FYB1: variants seen among roughly 807,000 people sequenced by gnomAD.
The protein encoded by FYB1 is FYN-binding protein 1.
A neutral mutation model predicts 94.1 loss-of-function variants in FYB1; 41 were observed. The ratio of observed to expected loss-of-function variants is 0.44; its 90% CI spans 0.34 to 0.57. The LOEUF is 0.57. Among genes scored for constraint, FYB1 ranks in the 20% least tolerant of loss-of-function variants. FYB1 has a pLI of 0.02. For synonymous variants in FYB1, 367 were observed against 353.2 expected (o/e 1.04, Z -0.44); for missense variants, 1,050 against 976.8 (o/e 1.07, Z -1.00).
chr5:39,130,523 G>T, intron 10 of FYB1, 67 bp downstream of exon 10: 2 of 1,243,300 alleles, frequency 1.6e-6, no homozygotes, highest in Non-Finnish European at 2.3e-6. Context: ...TAACACATGT[G>T]CTCCATAAAT....
chr5:39,229,510 G>A (rs779930735), intron 1 of FYB1, among the ~76,000 whole-genome samples: 1 of 152,160 alleles, frequency 6.6e-6, no homozygotes, highest in Non-Finnish European at 1.5e-5. Context: ...AGGCGGGTGA[G>A]TTGGGGGTAC....
chr5:39,160,625 T>G (rs1343826012), intron 2 of FYB1, among the ~76,000 whole-genome samples: 4 of 152,204 alleles, frequency 2.6e-5, no homozygotes, highest in African/African-American at 9.6e-5. Context: ...CAGTATTAGC[T>G]GTAAGGCACT....
chr5:39,115,016 T>G (rs1215133202), intron 16 of FYB1, among the ~76,000 whole-genome samples: 1 of 152,106 alleles, frequency 6.6e-6, no homozygotes, highest in African/African-American at 2.4e-5. Flanking sequence ...CTTCTAATTT[T>G]AGATGACAAC....
At chr5:39,241,375 G>A (rs1307617467) in intron 1 of FYB1, among the ~76,000 whole-genome samples, 1 of 152,140 alleles carries the variant, frequency 6.6e-6, no homozygotes, top group Non-Finnish European at 1.5e-5. Context: ...CAGGACCTAT[G>A]AGTCTGGTCC....
rs978525001 is a variant in FYB1 at position 39,202,709 on chromosome 5, C to A, written c.252G>T (p.Lys84Asn). ...PDKEPKPPFL[K>N]PTGAGQRFGT... ...CGAATCTTTGGCCTGCTCCAGTGGGCTTTAGAAACGGGGGCTTGGGTTCCT... is the reference window on the plus strand; with the variant it reads ...CGAATCTTTGGCCTGCTCCAGTGGGATTTAGAAACGGGGGCTTGGGTTCCT... The change falls in exon 2 of 19, where the codon AAG (lysine) becomes AAT (asparagine). Residue 84 changes from lysine (K) to asparagine (N), a missense_variant. Physicochemically the swap from Lys to Asn is moderately conservative, Grantham distance 94. Transcript: ENST00000512982. The A allele has an allele frequency of 1.2e-6, 2 of 1,613,418 alleles. No homozygotes were observed. The highest frequency in any genetic ancestry group is 2.7e-5 in the African/African-American group (2 of 74,740).
At chr5:39,177,080 C>G (rs1184891287) in intron 2 of FYB1, among the ~76,000 whole-genome samples, 2 of 152,188 alleles carry the variant, frequency 1.3e-5, no homozygotes, top group Non-Finnish European at 2.9e-5. Flanking sequence ...TTTGTCCTGG[C>G]AACAGTAGAA....
intron 1 of FYB1, among the ~76,000 whole-genome samples, chr5:39,268,754 G>A (rs995985855): frequency 1.3e-5 from 2 of 151,890 alleles, no homozygotes; most frequent in Non-Finnish European, 2.9e-5. Flanking sequence ...TAGTAGAGAC[G>A]GGGTTTCATC....
intron 2 of FYB1, among the ~76,000 whole-genome samples, chr5:39,200,052 C>T (rs12518981): frequency 0.47 from 71,861 of 151,926 alleles, 18,990 homozygotes; most frequent in South Asian, 0.74. Context: ...CATCTCAAGG[C>T]ATCAGATGTT....
At chr5:39,180,676 G>A (rs1458418083) in intron 2 of FYB1, among the ~76,000 whole-genome samples, 1 of 152,178 alleles carries the variant, frequency 6.6e-6, no homozygotes, top group African/African-American at 2.4e-5. Context: ...CCACGAAGTG[G>A]TAAAATGTGG....
chr5:39,164,328 C>T (rs931413358), intron 2 of FYB1, among the ~76,000 whole-genome samples: 13 of 152,140 alleles, frequency 8.5e-5, no homozygotes, highest in African/African-American at 3.1e-4. Flanking sequence ...CTATAAAATC[C>T]TCTACTTTTT....
At chr5:39,227,199 A>T (rs1750512109) in intron 1 of FYB1, among the ~76,000 whole-genome samples, 1 of 152,242 alleles carries the variant, frequency 6.6e-6, no homozygotes, top group African/African-American at 2.4e-5. Context: ...CCAGATTAAA[A>T]TATACCAAAA....
intron 1 of FYB1, among the ~76,000 whole-genome samples, chr5:39,230,570 A>G (rs546000137): frequency 9.1e-4 from 137 of 151,038 alleles, no homozygotes; most frequent in Non-Finnish European, 1.4e-3. Context: ...ATATTTCTGT[A>G]TATGTGTGTG....
At chr5:39,150,359 G>C (rs1229134523) in intron 3 of FYB1, among the ~76,000 whole-genome samples, 1 of 152,148 alleles carries the variant, frequency 6.6e-6, no homozygotes, top group Non-Finnish European at 1.5e-5. Flanking sequence ...CTATCTCCCT[G>C]TACCTGCCTT....
At chr5:39,154,745 C>A in intron 2 of FYB1, among the ~76,000 whole-genome samples, 1 of 151,974 alleles carries the variant, frequency 6.6e-6, no homozygotes, top group South Asian at 2.1e-4. Flanking sequence ...CCATGCCCGC[C>A]GCTGTGCCCA....
intron 1 of FYB1, among the ~76,000 whole-genome samples, chr5:39,228,960 T>C (rs1194990316): frequency 2.0e-5 from 3 of 152,166 alleles, no homozygotes; most frequent in Non-Finnish European, 4.4e-5. Flanking sequence ...TTGTCCACTA[T>C]AATTTTTTTG....
intron 3 of FYB1, among the ~76,000 whole-genome samples, chr5:39,142,201 C>G (rs1411637540): frequency 1.3e-5 from 2 of 152,130 alleles, no homozygotes; most frequent in Non-Finnish European, 2.9e-5. Flanking sequence ...TCCCATCACT[C>G]TTTTTTGTGT....
At chr5:39,148,381 GTTTT>G (rs538508812) in intron 3 of FYB1, among the ~76,000 whole-genome samples, 5 of 38,174 alleles carry the variant, frequency 1.3e-4, no homozygotes, top group African/African-American at 3.0e-4. Context: ...TTATCAGCAG[GTTTT>G]TTTTTTTTTT....
At chr5:39,199,908 T>C (rs1473378521) in intron 2 of FYB1, among the ~76,000 whole-genome samples, 1 of 152,202 alleles carries the variant, frequency 6.6e-6, no homozygotes, top group Non-Finnish European at 1.5e-5. Flanking sequence ...GGGGTATTAT[T>C]CAGAGTTTAA....
chr5:39,207,209 C>T (rs1055757669), intron 1 of FYB1, among the ~76,000 whole-genome samples: 6 of 152,080 alleles, frequency 3.9e-5, no homozygotes, highest in Non-Finnish European at 7.4e-5. Flanking sequence ...TTTCCAAAGC[C>T]ATTTGAAGCA....
Sources: gnomAD v4.1 joint callset for allele counts (sites outside exome capture counted in the v4.1 genomes callset) on GRCh38, gnomAD v4.1.1 for gene constraint, MANE v1.5 for transcripts, NCBI Gene and HGNC (gene_info 2026-07-23, HGNC 2026-07-21) for gene names.